Variants in UGT1A7 observed in about 807,000 individuals in gnomAD.
The protein encoded by UGT1A7 is UDP glucuronosyltransferase family 1 member A7.
In UGT1A7, 33 loss-of-function variants were observed where a neutral mutation model predicts 45.6. The observed-to-expected ratio is 0.72, with a 90% CI of 0.55 to 0.97. The LOEUF (loss-of-function observed/expected upper bound fraction) is 0.97. Among genes scored for constraint, UGT1A7 ranks in the 50% least tolerant of loss-of-function variants. UGT1A7 has a pLI of 0.00. For synonymous variants in UGT1A7, 274 were observed against 250.6 expected (o/e 1.09, Z -0.88); for missense variants, 684 against 666.2 (o/e 1.03, Z -0.29).
At chr2:233,740,990 G>A (rs1192365077) in intron 1 of UGT1A7, 1 of 151,728 alleles carries the variant, frequency 6.6e-6, no homozygotes, top group East Asian at 1.9e-4. Context: ...GGAATGCTGA[G>A]GAGGAAGGAT....
At chr2:233,760,803 GC>G (rs773292758) in intron 1 of UGT1A7, 1 of 1,613,342 alleles carries the variant, frequency 6.2e-7, no homozygotes, top group South Asian at 1.1e-5. Flanking sequence ...TATTCTTCTT[GC>G]ATGCACTGCC....
chr2:233,710,732 C>T (rs1375598699), intron 1 of UGT1A7, among the ~76,000 whole-genome samples: 1 of 152,164 alleles, frequency 6.6e-6, no homozygotes, highest in Non-Finnish European at 1.5e-5. Context: ...AAAACAACGT[C>T]TTTCAAGGAG....
At chr2:233,736,819 A>G (rs1408974835) in intron 1 of UGT1A7, among the ~76,000 whole-genome samples, 1 of 152,184 alleles carries the variant, frequency 6.6e-6, no homozygotes, top group Non-Finnish European at 1.5e-5. Context: ...TCCACTCCAG[A>G]TGCTCTTTGC....
chr2:233,711,943 C>T (rs192245283), intron 1 of UGT1A7, among the ~76,000 whole-genome samples: 111 of 152,264 alleles, frequency 7.3e-4, no homozygotes, highest in Admixed American at 1.6e-3. Context: ...GAAAGGCACA[C>T]GTTTAATTCT....
intron 1 of UGT1A7, among the ~76,000 whole-genome samples, chr2:233,764,416 C>T (rs559795881): frequency 6.6e-6 from 1 of 152,154 alleles, no homozygotes; most frequent in South Asian, 2.1e-4. Flanking sequence ...GTTTGCCCTG[C>T]GTGAATCTCC....
intron 1 of UGT1A7, among the ~76,000 whole-genome samples, chr2:233,690,261 AT>A (rs1364887580): frequency 1.3e-5 from 2 of 152,134 alleles, no homozygotes; most frequent in Admixed American, 6.6e-5. Context: ...AGTCTCAAAC[AT>A]TTTGCAGGTC....
rs1700524777 is a variant in UGT1A7, at chr2:233,772,469, C to T, written c.1503C>T (p.Phe501=). ...FLLAVVLTVA[F]ITFKCCAYGY... ...TGGCCGTCGTGCTGACAGTGGCCTTCATCACCTTTAAATGTTGTGCTTATG... is the reference window on the plus strand; with the variant it reads ...TGGCCGTCGTGCTGACAGTGGCCTTTATCACCTTTAAATGTTGTGCTTATG... Residue 501 remains phenylalanine (F), a synonymous_variant, in exon 5 of 5, where the codon TTC becomes TTT. Coordinates refer to ENST00000373426, the MANE Select transcript of UGT1A7 (RefSeq NM_019077.3). 12 of 1,614,144 alleles carry T rather than the reference C, an allele frequency of 7.4e-6. No homozygotes were observed. The highest frequency in any genetic ancestry group is 1.0e-5 in the Non-Finnish European group (12 of 1,180,034).
intron 1 of UGT1A7, among the ~76,000 whole-genome samples, chr2:233,688,194 T>G (rs2074881922): frequency 6.6e-6 from 1 of 152,244 alleles, no homozygotes; most frequent in African/African-American, 2.4e-5. Flanking sequence ...TATGACCGGC[T>G]TCTTTCACTT....
chr2:233,756,450 A>G (rs1426774092), intron 1 of UGT1A7: 1 of 152,082 alleles, frequency 6.6e-6, no homozygotes. Flanking sequence ...TTCCCCCCAA[A>G]TATTTTCAAT....
chr2:233,741,588 A>G (rs1403330194), intron 1 of UGT1A7: 1 of 151,778 alleles, frequency 6.6e-6, no homozygotes, highest in Non-Finnish European at 1.5e-5. Context: ...GGCACCTCGG[A>G]GCATGTTGAT....
chr2:233,682,764 A>G lies in UGT1A7; in HGVS notation c.827A>G (p.Asn276Ser), dbSNP rs765773267. 6 of 1,613,724 alleles carry G rather than the reference A, an allele frequency of 3.7e-6. No homozygotes were observed. The highest frequency in any genetic ancestry group is 1.7e-5 in the Admixed American group (1 of 60,014). ...AATATGATCTTCATTGGTGGTATCA[A>G]CTGTCATCAGGGAAAGCCAGTGCCT... The part of the protein sequence containing the change: ...MPNMIFIGGI[N>S]CHQGKPVPME... Residue 276 changes from asparagine (N) to serine (S), a missense_variant, in exon 1 of 5, where the codon AAC becomes AGC. Physicochemically the swap from Asn to Ser is conservative, Grantham distance 46 (BLOSUM62 1). Coordinates refer to ENST00000373426, the MANE Select transcript of UGT1A7 (RefSeq NM_019077.3).
chr2:233,760,256 G>A (rs2125981290), intron 1 of UGT1A7: 1 of 1,610,940 alleles, frequency 6.2e-7, no homozygotes, highest in South Asian at 1.1e-5. Context: ...ATAAGTAGGA[G>A]AGGGCGAACC....
chr2:233,755,002 C>G, intron 1 of UGT1A7: 1 of 1,294,350 alleles, frequency 7.7e-7, no homozygotes, highest in Non-Finnish European at 1.0e-6. Context: ...AAGCTGAAGA[C>G]CTACTCGAAG....
intron 1 of UGT1A7, among the ~76,000 whole-genome samples, chr2:233,696,194 C>G (rs943061059): frequency 6.6e-6 from 1 of 152,176 alleles, no homozygotes; most frequent in Non-Finnish European, 1.5e-5. Context: ...TATCTGCACT[C>G]CCATGTTTAT....
In UGT1A7 at chr2:233,757,558, ATATG is replaced by A. The variant is rs1023713263; in HGVS notation, c.856-9472_856-9469del. Among the ~76,000 whole-genome samples, 45 of 124,442 alleles carry A rather than the reference ATATG, an allele frequency of 3.6e-4. 2 individuals are homozygous for A. The highest frequency in any genetic ancestry group is 1.4e-3 in the African/African-American group (42 of 30,270). 81.6% of individuals were successfully genotyped at this position (124,442 alleles called of 152,430 possible). On this transcript the variant is annotated intron_variant, in intron 1 of 4. Coordinates refer to ENST00000373426, the MANE Select transcript of UGT1A7 (RefSeq NM_019077.3). ...GGAATATATATATATATATATATAT[ATATG>A]TATATATGATATAGCTATAGTCTAA...
intron 1 of UGT1A7, among the ~76,000 whole-genome samples, chr2:233,732,521 T>C (rs2078280152): frequency 6.6e-6 from 1 of 152,252 alleles, no homozygotes; most frequent in South Asian, 2.1e-4. Flanking sequence ...TCCAGCTTTC[T>C]ACATATGGCC....
chr2:233,700,256 G>A (rs1243486854), intron 1 of UGT1A7, among the ~76,000 whole-genome samples: 4 of 152,170 alleles, frequency 2.6e-5, no homozygotes, highest in African/African-American at 7.2e-5. Flanking sequence ...AAAATGCCAA[G>A]TCATTCTTAA....
intron 1 of UGT1A7, chr2:233,754,969 T>C: frequency 7.7e-7 from 1 of 1,302,646 alleles, no homozygotes; most frequent in African/African-American, 1.5e-5. Flanking sequence ...AAGAACTCCC[T>C]GAAGACCTCG....
intron 1 of UGT1A7, among the ~76,000 whole-genome samples, chr2:233,763,987 G>C (rs144684818): frequency 6.6e-6 from 1 of 152,188 alleles, no homozygotes; most frequent in Non-Finnish European, 1.5e-5. Flanking sequence ...CTGGGAATGC[G>C]TGATGGTGAA....
Sources: allele counts gnomAD v4.1 joint callset (sites outside exome capture counted in the v4.1 genomes callset), GRCh38; gene constraint gnomAD v4.1.1; transcripts MANE v1.5; gene names NCBI Gene and HGNC (gene_info 2026-07-23, HGNC 2026-07-21).